The following FHIT variants were observed in gnomAD, a reference collection of about 807,000 sequenced individuals.
FHIT encodes bis(5'-adenosyl)-triphosphatase.
In FHIT, 19 loss-of-function variants were observed where a neutral mutation model predicts 17.9. The observed-to-expected ratio is 1.06, with a 90% CI of 0.74 to 1.56. FHIT has a LOEUF of 1.56. FHIT is among the 40% of genes most tolerant of loss of function. FHIT has a pLI of 0.00. For synonymous variants in FHIT, 81 were observed against 69.7 expected, an observed-to-expected ratio of 1.16 and a Z score of -0.81; for missense variants, 248 against 189.2, an observed-to-expected ratio of 1.31 and a Z score of -1.82.
intron 5 of FHIT, among the ~76,000 whole-genome samples, chr3:60,064,602 C>T (rs1287991464): frequency 6.6e-6 from 1 of 152,212 alleles, no homozygotes. Flanking sequence ...ATAGCTATAG[C>T]TGACTCTAGC....
chr3:60,027,133 ACACACACAC>A (rs1487171021), intron 5 of FHIT, among the ~76,000 whole-genome samples: 2 of 133,256 alleles, frequency 1.5e-5, no homozygotes, highest in South Asian at 2.6e-4. Context: ...ACACACACAC[ACACACACAC>A]ACACACAAAA....
chr3:60,188,349 C>T (rs1033233804), intron 5 of FHIT, among the ~76,000 whole-genome samples: 1 of 151,976 alleles, frequency 6.6e-6, no homozygotes, highest in South Asian at 2.1e-4. Context: ...ATAGATCACA[C>T]CGTAGATGCT....
chr3:60,046,936 T>C (rs1701677634), intron 5 of FHIT, among the ~76,000 whole-genome samples: 1 of 152,206 alleles, frequency 6.6e-6, no homozygotes, highest in South Asian at 2.1e-4. Flanking sequence ...AGTTATGCGA[T>C]TTTAGGAAAT....
intron 2 of FHIT, among the ~76,000 whole-genome samples, chr3:61,140,034 A>AT (rs1036684534): frequency 5.8e-4 from 88 of 152,040 alleles, no homozygotes; most frequent in African/African-American, 1.7e-3. Flanking sequence ...AAAAAAAAAA[A>AT]AAAATAAGAA....
At position 59,871,456 on chromosome 3, in the gene FHIT, A is replaced by C. The variant is rs539124904; in HGVS notation, c.348+50890T>G. 1.4e-4 allele frequency among the ~76,000 whole-genome samples: 22 copies of C among 152,080 alleles called. No individual in the cohort carries two copies. In the East Asian group the frequency reaches 1.9e-3, roughly 13 times the overall value. On this transcript the variant is annotated intron_variant, in intron 8 of 9. Coordinates refer to ENST00000492590, the MANE Select transcript of FHIT (RefSeq NM_002012.4). ...ACATAGTATCCTTACCCACCCCCCC[A>C]CACACGCACACATACAAAGACCACC...
chr3:60,925,208 A>G (rs1707522905), intron 3 of FHIT, among the ~76,000 whole-genome samples: 1 of 152,192 alleles, frequency 6.6e-6, no homozygotes, highest in South Asian at 2.1e-4. Flanking sequence ...AATACAGAGA[A>G]CACCACAAAG....
At chr3:60,434,886 A>G (rs966197952) in intron 5 of FHIT, among the ~76,000 whole-genome samples, 1 of 152,146 alleles carries the variant, frequency 6.6e-6, no homozygotes, top group Non-Finnish European at 1.5e-5. Context: ...TTTTGGAAAT[A>G]ACATCTTACT....
chr3:60,204,789 A>G (rs1023329767), intron 5 of FHIT, among the ~76,000 whole-genome samples: 2 of 152,318 alleles, frequency 1.3e-5, no homozygotes, highest in South Asian at 2.1e-4. Flanking sequence ...GTAGATTAAA[A>G]TATCACTTTT....
intron 4 of FHIT, among the ~76,000 whole-genome samples, chr3:60,571,237 G>A (rs2037368203): frequency 6.7e-6 from 1 of 149,064 alleles, no homozygotes; most frequent in Admixed American, 6.8e-5. Context: ...TCGGGAGACT[G>A]AGGCAGGAGA....
intron 5 of FHIT, among the ~76,000 whole-genome samples, chr3:60,339,537 G>A (rs373775120): frequency 1.3e-5 from 2 of 151,978 alleles, no homozygotes; most frequent in East Asian, 3.9e-4. Context: ...ACGTGTCAGA[G>A]GGACGCGAGC....
At chr3:59,932,925 G>A (rs894192767) in intron 7 of FHIT, among the ~76,000 whole-genome samples, 8 of 152,100 alleles carry the variant, frequency 5.3e-5, no homozygotes, top group African/African-American at 1.4e-4. Flanking sequence ...GCTTCCTCCA[G>A]TAGATTCTAA....
At chr3:60,294,037 A>T (rs955969930) in intron 5 of FHIT, among the ~76,000 whole-genome samples, 1 of 152,174 alleles carries the variant, frequency 6.6e-6, no homozygotes, top group Non-Finnish European at 1.5e-5. Context: ...ATTCATTTTG[A>T]ATCAATATTT....
At chr3:59,754,448 C>G (rs1701095863) in intron 8 of FHIT, among the ~76,000 whole-genome samples, 1 of 152,220 alleles carries the variant, frequency 6.6e-6, no homozygotes. Flanking sequence ...TATTCTTCTA[C>G]TCAAGAACTA....
chr3:61,177,953 T>C (rs538571697), intron 2 of FHIT, among the ~76,000 whole-genome samples: 1 of 152,304 alleles, frequency 6.6e-6, no homozygotes, highest in East Asian at 1.9e-4. Flanking sequence ...TTTTTCCTTC[T>C]GTAAAAATAA....
chr3:59,799,531 G>A (rs1355571314), intron 8 of FHIT, among the ~76,000 whole-genome samples: 1 of 152,146 alleles, frequency 6.6e-6, no homozygotes, highest in Non-Finnish European at 1.5e-5. Context: ...CAACGTGTCT[G>A]GAAACCAGCT....
chr3:60,315,944 G>C (rs114385645), intron 5 of FHIT, among the ~76,000 whole-genome samples: 20 of 152,012 alleles, frequency 1.3e-4, no homozygotes, highest in African/African-American at 4.8e-4. Flanking sequence ...CAAATATTGA[G>C]GCAAAATCAT....
rs185250812 is a variant in FHIT at position 60,035,217 on chromosome 3, C to T, written c.104-21065G>A. ...AGGTCCAGAGGTGAGAAAAGAGAGT[C>T]AGACCGCCACGTGGGTTTCACAGAA... On this transcript the variant is annotated intron_variant, in intron 5 of 9. Coordinates refer to ENST00000492590, the MANE Select transcript of FHIT (RefSeq NM_002012.4). Among the ~76,000 whole-genome samples the T allele has an allele frequency of 2.9e-4, 44 of 152,258 alleles. No individual in the cohort carries two copies. The East Asian group carries it at 3.1e-3, about 11-fold the overall frequency.
At chr3:60,082,218 T>C (rs756568177) in intron 5 of FHIT, among the ~76,000 whole-genome samples, 4 of 148,264 alleles carry the variant, frequency 2.7e-5, no homozygotes, top group African/African-American at 1.0e-4. Flanking sequence ...AGAGAGAACA[T>C]GTAGTATTTG....
intron 3 of FHIT, among the ~76,000 whole-genome samples, chr3:60,953,360 G>A (rs1708972652): frequency 6.6e-6 from 1 of 151,998 alleles, no homozygotes; most frequent in East Asian, 1.9e-4. Context: ...TCCTTCCAAG[G>A]CTCGAACTGG....
Sources: allele counts gnomAD v4.1 joint callset (sites outside exome capture counted in the v4.1 genomes callset), GRCh38; gene constraint gnomAD v4.1.1; transcripts MANE v1.5; gene names NCBI Gene and HGNC (gene_info 2026-07-23, HGNC 2026-07-21).